LGALS4: variants seen among roughly 807,000 people sequenced by gnomAD.
LGALS4 encodes galectin 4.
Under a neutral mutation model 39.6 loss-of-function variants are expected in LGALS4, and 37 were observed. That is an observed-to-expected ratio of 0.93 (90% CI 0.72 to 1.23). The LOEUF (loss-of-function observed/expected upper bound fraction) is 1.23, where lower values mean the gene tolerates loss of function less well. LGALS4 is among the 50% of genes most tolerant of loss of function. The pLI is 0.00. For missense variants in LGALS4, 397 were observed against 433.2 expected (o/e 0.92, Z 0.74); for synonymous variants, 160 against 165.5 (o/e 0.97, Z 0.25).
At chr19:38,802,246 G>A in intron 8 of LGALS4, 70 bp downstream of exon 8, 2 of 1,593,082 alleles carry the variant, frequency 1.3e-6, no homozygotes, top group Non-Finnish European at 1.7e-6. Flanking sequence ...AGGAGGAGGG[G>A]ACAGAGGGTC....
chr19:38,812,698 G>C (rs1971508926), intron 1 of LGALS4, 144 bp downstream of exon 1: 3 of 1,000,836 alleles, frequency 3.0e-6, no homozygotes, highest in Non-Finnish European at 4.6e-6. Flanking sequence ...GGTCAGGGTA[G>C]GAGTAAATCG....
In LGALS4 at chr19:38,812,513, G is replaced by A; in HGVS notation, c.52C>T (p.Pro18Ser). The change falls in exon 2 of 10, where the codon CCT (proline) becomes TCT (serine). Residue 18 changes from proline to serine, a missense_variant. Transcript: ENST00000307751. ...CCGCCCGGGATGGGCTGGTAGTAAGGCAGCGTCTGGAGAAGAGGCCTGGTG... is the reference window on the plus strand; with the variant it reads ...CCGCCCGGGATGGGCTGGTAGTAAGACAGCGTCTGGAGAAGAGGCCTGGTG... ...GYQPTYNPTL[P>S]YYQPIPGGLN... 2 of 1,614,140 alleles carry A rather than the reference G, an allele frequency of 1.2e-6. No homozygotes were observed. The highest frequency in any genetic ancestry group is 1.7e-6 in the Non-Finnish European group (2 of 1,179,974).
chr19:38,808,723 CAAG>C lies in LGALS4; in HGVS notation c.339+18_339+20del, dbSNP rs1568352168. On this transcript the variant is annotated intron_variant, in intron 3 of 9. Coordinates refer to ENST00000307751, the MANE Select transcript of LGALS4 (RefSeq NM_006149.4). The stretch of plus-strand genomic sequence containing the variant: ...CGCCACTGCACTCCAGCTTGGGAAA[CAAG>C]AGAGAAAGCATGCAGACCTTGTAGT... The C allele has an allele frequency of 1.2e-6, 2 of 1,604,830 alleles. No individual in the cohort carries two copies. Among genetic ancestry groups the C allele is most frequent in the South Asian group, 2.2e-5 (2 of 90,660 alleles).
At chr19:38,805,996 T>C (rs967458283) in intron 4 of LGALS4, among the ~76,000 whole-genome samples, 2 of 151,884 alleles carry the variant, frequency 1.3e-5, no homozygotes, top group African/African-American at 4.8e-5. Flanking sequence ...TGCTTAAAAC[T>C]GGGAGGCAGA....
At chr19:38,808,536 A>G (rs1971449914) in intron 3 of LGALS4, among the ~76,000 whole-genome samples, 1 of 151,376 alleles carries the variant, frequency 6.6e-6, no homozygotes, top group African/African-American at 2.4e-5. Flanking sequence ...AGGCAGGAGA[A>G]GCTCTTGAAC....
chr19:38,804,016 C>A, intron 4 of LGALS4, 121 bp from the exon 5 acceptor site: 1 of 1,147,706 alleles, frequency 8.7e-7, no homozygotes, highest in South Asian at 1.4e-5. Flanking sequence ...AGAACTCTGG[C>A]ATCAAAGGGT....
chr19:38,812,143 G>A (rs1971501124), intron 2 of LGALS4, among the ~76,000 whole-genome samples: 1 of 152,190 alleles, frequency 6.6e-6, no homozygotes, highest in African/African-American at 2.4e-5. Context: ...TTTAACTCGG[G>A]GACCCGGCTC....
At position 38,811,804 on chromosome 19, in the gene LGALS4, A is replaced by G. The variant is rs372867508; in HGVS notation, c.134+627T>C. 2.8e-4 allele frequency among the ~76,000 whole-genome samples: 43 copies of G among 152,280 alleles called. No individual in the cohort carries two copies. In the South Asian group the frequency reaches 3.7e-3, roughly 13 times the overall value. ...CGAGATGGGAGGATCACTTGAGGTC[A>G]GGAGTTCGAGACCAGCCTGACCAAC... is the stretch of plus-strand genomic sequence containing the variant. On this transcript the variant is annotated intron_variant, in intron 2 of 9. Transcript: ENST00000307751.
At chr19:38,812,756 G>A in intron 1 of LGALS4, 86 bp downstream of exon 1, 3 of 1,453,210 alleles carry the variant, frequency 2.1e-6, no homozygotes, top group East Asian at 2.3e-5. Flanking sequence ...GTCAGATGGG[G>A]CCCCCCAGGA....
At chr19:38,810,587 C>T (rs1971481706) in intron 2 of LGALS4, among the ~76,000 whole-genome samples, 1 of 152,048 alleles carries the variant, frequency 6.6e-6, no homozygotes. Context: ...TGGTCTCGAT[C>T]TCCTGACCTC....
Position 38,807,483 on chromosome 19 carries a change from A to G in LGALS4, c.340-888T>C, listed in dbSNP as rs922804086. Reference sequence around the variant, plus strand: ...GGTAATGGGACTAAGGAAAAGCGCTAAAAGAGGATTTTTAAAAATAGGCAG... The same window carrying G: ...GGTAATGGGACTAAGGAAAAGCGCTGAAAGAGGATTTTTAAAAATAGGCAG... On this transcript the variant is annotated intron_variant, in intron 3 of 9. Coordinates refer to ENST00000307751, the MANE Select transcript of LGALS4 (RefSeq NM_006149.4). 2.0e-5 allele frequency among the ~76,000 whole-genome samples: 3 copies of G among 152,186 alleles called. No homozygotes were observed. In the East Asian group the frequency reaches 5.8e-4, roughly 29 times the overall value.
At chr19:38,803,612 C>T in intron 6 of LGALS4, 61 bp from the exon 7 acceptor site, 2 of 1,600,600 alleles carry the variant, frequency 1.2e-6, no homozygotes, top group South Asian at 1.1e-5. Context: ...TATGACACAC[C>T]CATTAGACTC....
At chr19:38,806,431 G>A in intron 4 of LGALS4, 30 bp downstream of exon 4, 3 of 1,588,836 alleles carry the variant, frequency 1.9e-6, no homozygotes, top group Non-Finnish European at 2.6e-6. Context: ...TAGAAAGAAA[G>A]GACGCAAGAA....
At chr19:38,808,244 AGAGAAGGAAGAAGAGAGGAGGGAAGG>A (rs1971446733) in intron 3 of LGALS4, among the ~76,000 whole-genome samples, 1 of 151,784 alleles carries the variant, frequency 6.6e-6, no homozygotes, top group Non-Finnish European at 1.5e-5. Context: ...AGGGAAGGAG[AGAGAAGGAAGAAGAGAGGAGGGAAGG>A]GGGAAGGAAG....
Position 38,803,525 on chromosome 19 carries a change from G to C in LGALS4, c.567C>G (p.Asn189Lys), listed in dbSNP as rs1192110415. 2 of 1,614,050 alleles carry C rather than the reference G, an allele frequency of 1.2e-6. No homozygotes were observed. Among genetic ancestry groups the C allele is most frequent in the South Asian group, 2.2e-5 (2 of 91,080 alleles). ...TCTCTGTTTCCCCAAGCCATACCGG[G>C]TTGAAGGTTGGGGGTCCTTCCATGG... ...LPTMEGPPTF[N>K]PPVPYFGRLQ... Residue 189 changes from asparagine (N) to lysine (K), a missense_variant, in exon 7 of 10, where the codon AAC becomes AAG. Asn to Lys is a moderately conservative substitution (Grantham distance 94, BLOSUM62 0). Coordinates refer to ENST00000307751, the MANE Select transcript of LGALS4 (RefSeq NM_006149.4).
At position 38,805,122 on chromosome 19, in the gene LGALS4, C is replaced by T. The variant is rs190570884; in HGVS notation, c.475-1227G>A. ...AAGAATACAGTAGGCTGTGATTGCA[C>T]CACCACACTCCAGCCTGGGTGACAG... On this transcript the variant is annotated intron_variant, in intron 4 of 9. Coordinates refer to ENST00000307751, the MANE Select transcript of LGALS4 (RefSeq NM_006149.4). 5.2e-3 allele frequency among the ~76,000 whole-genome samples: 785 copies of T among 150,152 alleles called. 8 individuals are homozygous for T. Among genetic ancestry groups the T allele is most frequent in the African/African-American group, 0.018 (753 of 40,948 alleles).
intron 4 of LGALS4, 44 bp from the exon 5 acceptor site, chr19:38,803,939 A>G (rs778332037): frequency 7.6e-6 from 12 of 1,578,944 alleles, no homozygotes; most frequent in Middle Eastern, 1.7e-4. Context: ...GGGTCCCCAG[A>G]TTTGCGACTG....
chr19:38,812,708 G>C, intron 1 of LGALS4, 134 bp downstream of exon 1: 1 of 1,060,380 alleles, frequency 9.4e-7, no homozygotes, highest in East Asian at 2.4e-5. Flanking sequence ...GGAGTAAATC[G>C]AGGGTCGGGG....
At chr19:38,804,317 T>A (rs1443722284) in intron 4 of LGALS4, among the ~76,000 whole-genome samples, 1 of 152,224 alleles carries the variant, frequency 6.6e-6, no homozygotes. Flanking sequence ...TTCGCTCTTG[T>A]TGCCCAGGGT....
Sources: gnomAD v4.1 joint callset for allele counts (sites outside exome capture counted in the v4.1 genomes callset) on GRCh38, gnomAD v4.1.1 for gene constraint, MANE v1.5 for transcripts, NCBI Gene and HGNC (gene_info 2026-07-23, HGNC 2026-07-21) for gene names.